Variants in KLHL29 observed in about 807,000 individuals in gnomAD.
KLHL29 encodes the protein kelch-like protein 29.
A neutral mutation model predicts 80.4 loss-of-function variants in KLHL29; 21 were observed. The observed-to-expected ratio is 0.26, with a 90% CI of 0.19 to 0.38. KLHL29 has a LOEUF of 0.38. KLHL29 is among the 10% of genes least tolerant of loss of function. The pLI is 1.00. For synonymous variants in KLHL29, 511 were observed against 526.8 expected (o/e 0.97, Z 0.41); for missense variants, 867 against 1,223.9 (o/e 0.71, Z 4.35).
At chr2:23,631,635 G>A (rs972239557) in intron 3 of KLHL29, among the ~76,000 whole-genome samples, 6 of 152,194 alleles carry the variant, frequency 3.9e-5, no homozygotes, top group East Asian at 3.9e-4. Context: ...CCCTGGCCCC[G>A]CGTAGGGATT....
rs1671944071 is a variant in KLHL29 at position 23,696,208 on chromosome 2, G to A, written c.1924+75G>A. 8 of 1,498,110 alleles carry A rather than the reference G, an allele frequency of 5.3e-6. No homozygotes were observed. The East Asian group carries it at 2.0e-4, about 37-fold the overall frequency. 92.8% of individuals were successfully genotyped at this position (1,498,110 alleles called of 1,614,324 possible). The stretch of plus-strand genomic sequence containing the variant: ...GACTGCTCCCCACGTCAGGGCTGAG[G>A]AAGGCCATGGCCCAGAAGTGTCTAC... On this transcript the variant is annotated intron_variant, in intron 10 of 13. Coordinates refer to ENST00000486442, the MANE Select transcript of KLHL29 (RefSeq NM_052920.2). The surrounding 1 kb of genome is among the most constrained non-coding windows in gnomAD (Gnocchi z 5.5).
At chr2:23,534,596 T>C (rs570632351) in intron 2 of KLHL29, among the ~76,000 whole-genome samples, 1 of 152,246 alleles carries the variant, frequency 6.6e-6, no homozygotes, top group Non-Finnish European at 1.5e-5. Flanking sequence ...GTCTTCCTTC[T>C]CTTCTGCTCA....
At chr2:23,477,546 C>CCCAG (rs1007902275) in intron 2 of KLHL29, among the ~76,000 whole-genome samples, 7 of 152,232 alleles carry the variant, frequency 4.6e-5, no homozygotes, top group Non-Finnish European at 8.8e-5. Context: ...CTCCCAGCAG[C>CCCAG]CCAGTGGGGG....
intron 3 of KLHL29, among the ~76,000 whole-genome samples, chr2:23,627,971 G>A (rs555509267): frequency 8.5e-5 from 12 of 141,150 alleles, no homozygotes; most frequent in South Asian, 6.9e-4. Context: ...GCAGTGGCAC[G>A]ATCTCGGCTC....
intron 1 of KLHL29, among the ~76,000 whole-genome samples, chr2:23,452,414 A>G (rs139683835): frequency 1.6e-4 from 25 of 152,200 alleles, no homozygotes; most frequent in East Asian, 3.9e-4. Context: ...CCAGGGTCCA[A>G]TGCCTCCCAC....
chr2:23,696,219 C>A lies in KLHL29; in HGVS notation c.1924+86C>A. 6.7e-7 allele frequency: 1 copy of A among 1,489,322 alleles called. No individual in the cohort carries two copies. The highest frequency in any genetic ancestry group is 9.1e-7 in the Non-Finnish European group (1 of 1,100,654). 92.3% of individuals were successfully genotyped at this position (1,489,322 alleles called of 1,614,324 possible). ...ACGTCAGGGCTGAGGAAGGCCATGGCCCAGAAGTGTCTACTTTGCAGGTGA... is the reference window on the plus strand; with the variant it reads ...ACGTCAGGGCTGAGGAAGGCCATGGACCAGAAGTGTCTACTTTGCAGGTGA... On this transcript the variant is annotated intron_variant, in intron 10 of 13. Coordinates refer to ENST00000486442, the MANE Select transcript of KLHL29 (RefSeq NM_052920.2). This position sits in a 1 kb window ranked among gnomAD's most constrained non-coding sequence, Gnocchi z 5.5.
At chr2:23,485,908 CA>C (rs1664922535) in intron 2 of KLHL29, among the ~76,000 whole-genome samples, 1 of 152,226 alleles carries the variant, frequency 6.6e-6, no homozygotes, top group South Asian at 2.1e-4. Context: ...AAGACATGTA[CA>C]AGGCTTTGCT....
chr2:23,419,628 G>A (rs1232291345), intron 1 of KLHL29, among the ~76,000 whole-genome samples: 1 of 152,074 alleles, frequency 6.6e-6, no homozygotes, highest in Non-Finnish European at 1.5e-5. Flanking sequence ...ATTTTTAATT[G>A]CCCTTTCCCT....
chr2:23,564,709 C>T (rs373254737), intron 3 of KLHL29, among the ~76,000 whole-genome samples: 9 of 152,234 alleles, frequency 5.9e-5, no homozygotes, highest in East Asian at 5.8e-4. Context: ...TGGGCAGGCC[C>T]GGGCCCAGGT....
At chr2:23,634,008 G>T (rs1259646663) in intron 3 of KLHL29, among the ~76,000 whole-genome samples, 1 of 152,184 alleles carries the variant, frequency 6.6e-6, no homozygotes, top group Non-Finnish European at 1.5e-5. Flanking sequence ...AACATCATGG[G>T]TCTGTTCCTT....
At chr2:23,655,041 TG>T (rs1670205721) in intron 5 of KLHL29, among the ~76,000 whole-genome samples, 1 of 152,206 alleles carries the variant, frequency 6.6e-6, no homozygotes, top group Admixed American at 6.5e-5. Context: ...TATAAGCTGG[TG>T]ATTCTTGGGC....
intron 5 of KLHL29, among the ~76,000 whole-genome samples, chr2:23,649,222 A>G (rs1670021569): frequency 6.6e-6 from 1 of 151,994 alleles, no homozygotes; most frequent in Non-Finnish European, 1.5e-5. Context: ...CCTTGCCCTG[A>G]CTTTCCAGCC....
At chr2:23,534,925 T>C (rs894433986) in intron 2 of KLHL29, among the ~76,000 whole-genome samples, 2 of 152,202 alleles carry the variant, frequency 1.3e-5, no homozygotes, top group Admixed American at 1.3e-4. Context: ...CAGTATCGAC[T>C]GGCCCTAAAA....
chr2:23,441,504 TAAA>T (rs1284956071), intron 1 of KLHL29, among the ~76,000 whole-genome samples: 1 of 142,338 alleles, frequency 7.0e-6, no homozygotes, highest in Non-Finnish European at 1.5e-5. Flanking sequence ...TAATTAATAA[TAAA>T]AGAAATCAGA....
intron 1 of KLHL29, among the ~76,000 whole-genome samples, chr2:23,455,789 A>G (rs62125377): frequency 0.052 from 7,846 of 152,030 alleles, 235 homozygotes; most frequent in African/African-American, 0.075. Context: ...TTTGTTAGTC[A>G]GCCACAGTTA....
intron 1 of KLHL29, among the ~76,000 whole-genome samples, chr2:23,392,171 A>G (rs1308070741): frequency 6.6e-6 from 1 of 152,240 alleles, no homozygotes; most frequent in Non-Finnish European, 1.5e-5. Context: ...AAGGGGGCTT[A>G]GGAAAAGTAG....
At chr2:23,532,446 CCT>C in intron 2 of KLHL29, 1 of 407,376 alleles carries the variant, frequency 2.5e-6, no homozygotes, top group Non-Finnish European at 4.9e-6. Context: ...GCCCACGCAC[CCT>C]CTGCACCCAG....
chr2:23,545,547 G>T (rs942697761), intron 2 of KLHL29, among the ~76,000 whole-genome samples: 2 of 152,224 alleles, frequency 1.3e-5, no homozygotes, highest in Non-Finnish European at 2.9e-5. Context: ...CAGAGCTCAG[G>T]GGTGTGGAGA....
At chr2:23,555,245 T>C (rs1248057120) in intron 2 of KLHL29, among the ~76,000 whole-genome samples, 1 of 152,108 alleles carries the variant, frequency 6.6e-6, no homozygotes, top group East Asian at 1.9e-4. Context: ...CCACACACAC[T>C]GCTTCGGATT....
Sources: gnomAD v4.1 joint callset for allele counts (sites outside exome capture counted in the v4.1 genomes callset) on GRCh38, gnomAD v4.1.1 for gene constraint, Gnocchi (gnomAD v3.1) non-coding constraint, MANE v1.5 for transcripts, NCBI Gene and HGNC (gene_info 2026-07-23, HGNC 2026-07-21) for gene names.